RAB9A: variants seen among roughly 807,000 people sequenced by gnomAD.
The protein encoded by RAB9A is ras-related protein Rab-9A.
Under a neutral mutation model 10.3 loss-of-function variants are expected in RAB9A, and 1 was observed. The observed-to-expected ratio is 0.10, with a 90% CI of 0.03 to 0.46. RAB9A has a LOEUF of 0.46. Ranked by LOEUF, RAB9A falls within the 20% of genes least tolerant of loss-of-function variation. The pLI is 0.96. For missense variants in RAB9A, 92 were observed against 150.3 expected (o/e 0.61, Z 2.03); for synonymous variants, 39 against 55.2 (o/e 0.71, Z 1.30).
At chrX:13,690,511 T>G (rs1260624572) in intron 1 of RAB9A, among the ~76,000 whole-genome samples, 1 of 111,761 alleles carries the variant, frequency 8.9e-6, no homozygotes, top group Non-Finnish European at 1.9e-5. Flanking sequence ...AAACACTAAG[T>G]AGAACATCAT....
chrX:13,696,329 G>A (rs1482313789), intron 1 of RAB9A, among the ~76,000 whole-genome samples: 1 of 110,350 alleles, frequency 9.1e-6, no homozygotes, highest in Non-Finnish European at 1.9e-5. Context: ...GGCTGAAATG[G>A]GAGGATCACT....
In RAB9A at chrX:13,709,980, C is replaced by T. The variant is rs1324910067; in HGVS notation, c.*628C>T. ...ATAAATCATGTTCCACAGTCTCAGG[C>T]GGAGGGTGGGCCCCCAGTGGTACAA... is the stretch of plus-strand genomic sequence containing the variant. On this transcript the variant is annotated 3_prime_UTR_variant, in exon 3 of 3. Transcript: ENST00000464506. 2 of 123,302 alleles carry T rather than the reference C, an allele frequency of 1.6e-5. No individual in the cohort carries two copies. The highest frequency in any genetic ancestry group is 2.8e-4 in the East Asian group (1 of 3,599). The allele number at this position is 123,302 out of a possible 1,213,427, so 10.2% of individuals were successfully genotyped here.
At chrX:13,704,798 AGAGAT>A (rs1297300317) in intron 2 of RAB9A, among the ~76,000 whole-genome samples, 2 of 110,769 alleles carry the variant, frequency 1.8e-5, no homozygotes, top group Non-Finnish European at 1.9e-5. Flanking sequence ...TATTTTTAGC[AGAGAT>A]GAGATGAGGT....
chrX:13,701,575 G>A (rs2046173917), intron 1 of RAB9A, among the ~76,000 whole-genome samples: 1 of 111,390 alleles, frequency 9.0e-6, no homozygotes, highest in African/African-American at 3.3e-5. Context: ...GGTTAAGAGA[G>A]CATGTTTCAC....
rs1162168335 is a variant in RAB9A at position 13,709,859 on chromosome X, A to G, written c.*507A>G. 3 of 123,881 alleles carry G rather than the reference A, an allele frequency of 2.4e-5. No homozygotes were observed. The highest frequency in any genetic ancestry group is 9.5e-5 in the Admixed American group (1 of 10,572). 10.2% of individuals were successfully genotyped at this position (123,881 alleles called of 1,213,427 possible). The stretch of plus-strand genomic sequence containing the variant: ...TAATTTACTTCTTCATTCTCTTCAA[A>G]ATGATTTAACCATTCCTGTTTTCAT... On this transcript the variant is annotated 3_prime_UTR_variant, in exon 3 of 3. Transcript: ENST00000464506.
intron 1 of RAB9A, among the ~76,000 whole-genome samples, chrX:13,700,928 T>C (rs1449216538): frequency 2.7e-5 from 3 of 111,126 alleles, no homozygotes; most frequent in Non-Finnish European, 5.7e-5. Flanking sequence ...TGCGCCACCA[T>C]GTCCAGCTAA....
intron 1 of RAB9A, among the ~76,000 whole-genome samples, chrX:13,692,559 A>C (rs1327702736): frequency 8.9e-6 from 1 of 112,230 alleles, no homozygotes; most frequent in African/African-American, 3.2e-5. Context: ...TATCACTGGA[A>C]TCGAGAAAGA....
At chrX:13,691,932 C>T (rs1402534283) in intron 1 of RAB9A, among the ~76,000 whole-genome samples, 4 of 109,354 alleles carry the variant, frequency 3.7e-5, no homozygotes, top group African/African-American at 1.3e-4. Flanking sequence ...CTGACATCAT[C>T]CTAGAACAGA....
chrX:13,690,543 T>C (rs2046116162), intron 1 of RAB9A, among the ~76,000 whole-genome samples: 1 of 111,560 alleles, frequency 9.0e-6, no homozygotes, highest in Non-Finnish European at 1.9e-5. Context: ...CCAAGCCGGG[T>C]TTTAGAGATA....
chrX:13,691,211 C>T (rs1196946505), intron 1 of RAB9A, among the ~76,000 whole-genome samples: 1 of 111,788 alleles, frequency 8.9e-6, no homozygotes, highest in Admixed American at 9.5e-5. Flanking sequence ...TTGAGAAACC[C>T]TCCTTTTCAG....
intron 1 of RAB9A, among the ~76,000 whole-genome samples, chrX:13,689,735 G>C (rs2046111591): frequency 9.0e-6 from 1 of 111,626 alleles, no homozygotes; most frequent in South Asian, 3.7e-4. Flanking sequence ...GGCGACCTCT[G>C]AAGTTCCACC....
intron 2 of RAB9A, among the ~76,000 whole-genome samples, chrX:13,708,233 A>G (rs367688334): frequency 1.8e-5 from 2 of 108,511 alleles, no homozygotes; most frequent in East Asian, 6.0e-4. Flanking sequence ...CTGAGGTGGG[A>G]GGATTGCTTG....
At chrX:13,699,657 T>A (rs984047387) in intron 1 of RAB9A, among the ~76,000 whole-genome samples, 1 of 112,358 alleles carries the variant, frequency 8.9e-6, no homozygotes. Context: ...AGGCTTCTGA[T>A]GACTAAGATT....
At chrX:13,699,952 G>T (rs1313149691) in intron 1 of RAB9A, among the ~76,000 whole-genome samples, 1 of 111,838 alleles carries the variant, frequency 8.9e-6, no homozygotes, top group African/African-American at 3.3e-5. Context: ...TCATATTAGA[G>T]ATTTATATTC....
Position 13,710,017 on chromosome X carries a change from TAC to T in RAB9A, c.*667_*668del. ...CCCCAGTGGTACAAGAGTTGCTTCA[TAC>T]AGTCTGTAATACATCCAGCTAAATT... On this transcript the variant is annotated 3_prime_UTR_variant, in exon 3 of 3. Transcript: ENST00000464506. 8.0e-6 allele frequency: 1 copy of T among 125,175 alleles called. No homozygotes were observed. The allele number at this position is 125,175 out of a possible 1,213,427, so 10.3% of individuals were successfully genotyped here. A position where few individuals can be genotyped will look rare whatever the true frequency, so the allele number is the denominator to read the frequency against.
chrX:13,690,280 C>T (rs1396223518), intron 1 of RAB9A, among the ~76,000 whole-genome samples: 1 of 112,087 alleles, frequency 8.9e-6, no homozygotes, highest in East Asian at 2.8e-4. Flanking sequence ...TTTAGTTTTT[C>T]CTTTAGAAGA....
chrX:13,709,222 C>T lies in RAB9A; in HGVS notation c.476C>T (p.Thr159Ile), dbSNP rs141005537. ...TTTGAAACAAGTGCAAAAGATGCCA[C>T]AAATGTGGCAGCAGCCTTTGAGGAA... ...PYFETSAKDA[T>I]NVAAAFEEAV... The change falls in exon 3 of 3, where the codon ACA becomes ATA. Residue 159 changes from threonine (T) to isoleucine (I), a missense_variant. Thr to Ile is a moderately conservative substitution (Grantham distance 89). Coordinates refer to ENST00000464506, the MANE Select transcript of RAB9A (RefSeq NM_004251.5). 2 of 1,209,900 alleles carry T rather than the reference C, an allele frequency of 1.7e-6. No homozygotes were observed. The highest frequency in any genetic ancestry group is 3.5e-5 in the African/African-American group (2 of 57,106).
intron 1 of RAB9A, among the ~76,000 whole-genome samples, chrX:13,689,977 T>A (rs1249897501): frequency 1.8e-5 from 2 of 109,765 alleles, no homozygotes; most frequent in Admixed American, 9.7e-5. Context: ...TTTTTTTTTT[T>A]TTTGGTAAGG....
intron 2 of RAB9A, among the ~76,000 whole-genome samples, chrX:13,708,185 A>C (rs952476927): frequency 9.1e-6 from 1 of 110,497 alleles, no homozygotes; most frequent in Non-Finnish European, 1.9e-5. Flanking sequence ...TTAGCAAGGC[A>C]TGGTGGTGTG....
Sources: gnomAD v4.1 joint callset for allele counts (sites outside exome capture counted in the v4.1 genomes callset) on GRCh38, gnomAD v4.1.1 for gene constraint, MANE v1.5 for transcripts, NCBI Gene and HGNC (gene_info 2026-07-23, HGNC 2026-07-21) for gene names.